CD2AP: variants seen among roughly 807,000 people sequenced by gnomAD.
CD2AP encodes the protein CD2-associated protein.
In CD2AP, 46 loss-of-function variants were observed where a neutral mutation model predicts 85.1. The observed-to-expected ratio is 0.54, with a 90% CI of 0.43 to 0.69. The LOEUF (loss-of-function observed/expected upper bound fraction) is 0.69. Ranked by LOEUF, CD2AP falls within the 30% of genes least tolerant of loss-of-function variation. The pLI, the probability that CD2AP is intolerant of heterozygous loss-of-function variation, is 0.00. For missense variants in CD2AP, 769 were observed against 729.5 expected (o/e 1.05, Z -0.62); for synonymous variants, 255 against 252.9 (o/e 1.01, Z -0.08).
chr6:47,581,974 T>G (rs1479963401), intron 10 of CD2AP, 29 bp from the exon 11 acceptor site: 9 of 1,474,052 alleles, frequency 6.1e-6, no homozygotes, highest in Admixed American at 3.3e-5. Flanking sequence ...ACTGTCTTCT[T>G]AAAAAAGTAT....
rs953730292 is a variant in CD2AP at position 47,491,311 on chromosome 6, T to C, written c.5-11969T>C. On this transcript the variant is annotated intron_variant, in intron 1 of 17. Transcript: ENST00000359314. ...TGTGTGTGTGTGTGTGTGTAATATA[T>C]ATAAAATCAGGAAATAAGTGGAACC... Among the ~76,000 whole-genome samples the C allele has an allele frequency of 2.6e-5, 4 of 151,202 alleles. 1 individual carries two copies. The East Asian group carries it at 7.7e-4, about 29-fold the overall frequency.
rs781287524 is a variant in CD2AP, at chr6:47,595,848, T to C, written c.1109-13T>C. The C allele has an allele frequency of 1.3e-5, 21 of 1,606,818 alleles. No individual in the cohort carries two copies. The South Asian group carries it at 2.3e-4, about 18-fold the overall frequency. ...TTGATTGTTAATAACTTGTGAAATA[T>C]TTTAAATCTTAGATGAAAAATCAAC... On this transcript the variant is annotated splice_polypyrimidine_tract_variant and intron_variant, in intron 11 of 17. Coordinates refer to ENST00000359314, the MANE Select transcript of CD2AP (RefSeq NM_012120.3).
intron 8 of CD2AP, 37 bp from the exon 9 acceptor site, chr6:47,579,348 A>AAAT: frequency 4.9e-4 from 571 of 1,166,654 alleles, no homozygotes; most frequent in Non-Finnish European, 6.6e-4. Context: ...AAAAAAAAAA[A>AAAT]GGTCTATTGT....
chr6:47,610,971 A>ATATATATTTT, intron 16 of CD2AP, among the ~76,000 whole-genome samples: 6 of 112,870 alleles, frequency 5.3e-5, no homozygotes, highest in African/African-American at 1.4e-4. Context: ...ATATATATGT[A>ATATATATTTT]TTTTTTTTTT....
At chr6:47,572,376 G>A (rs1166074138) in intron 5 of CD2AP, among the ~76,000 whole-genome samples, 1 of 152,108 alleles carries the variant, frequency 6.6e-6, no homozygotes, top group East Asian at 1.9e-4. Flanking sequence ...TATTTAAAAC[G>A]GGTTCATTTT....
intron 2 of CD2AP, among the ~76,000 whole-genome samples, chr6:47,504,735 T>C (rs1468194054): frequency 1.3e-5 from 2 of 152,172 alleles, no homozygotes; most frequent in African/African-American, 4.8e-5. Context: ...GCAAATGTCA[T>C]AGTAGAGCAG....
rs114385756 is a variant in CD2AP at position 47,504,069 on chromosome 6, C to G, written c.165+629C>G. Among the ~76,000 whole-genome samples, 5 of 152,288 alleles carry G rather than the reference C, an allele frequency of 3.3e-5. No individual in the cohort carries two copies. The East Asian group carries it at 9.6e-4, about 29-fold the overall frequency. On this transcript the variant is annotated intron_variant, in intron 2 of 17. Coordinates refer to ENST00000359314, the MANE Select transcript of CD2AP (RefSeq NM_012120.3). ...TTCCTTTTTTAGTAAGTATTCTAGT[C>G]GCTTCTGCCAGAAAACAATCTTTAG... is the stretch of plus-strand genomic sequence containing the variant.
chr6:47,619,210 C>T (rs6458580), intron 17 of CD2AP, among the ~76,000 whole-genome samples: 149,531 of 152,302 alleles, frequency 0.98, 73,479 homozygotes, highest in Middle Eastern at 1. Flanking sequence ...CGTAGTCTTT[C>T]ATCCCTCGCC....
chr6:47,585,298 G>T (rs201976901), intron 11 of CD2AP, among the ~76,000 whole-genome samples: 1 of 149,232 alleles, frequency 6.7e-6, no homozygotes, highest in Non-Finnish European at 1.5e-5. Context: ...GCAAGACTCC[G>T]TCTCAAAAAA....
chr6:47,594,732 AATG>A (rs1768893777), intron 11 of CD2AP, among the ~76,000 whole-genome samples: 1 of 152,012 alleles, frequency 6.6e-6, no homozygotes, highest in African/African-American at 2.4e-5. Flanking sequence ...TTTTGTACCA[AATG>A]ATGACCAGAA....
At chr6:47,526,666 G>T (rs1766738364) in intron 2 of CD2AP, among the ~76,000 whole-genome samples, 1 of 152,148 alleles carries the variant, frequency 6.6e-6, no homozygotes, top group Non-Finnish European at 1.5e-5. Context: ...TATACAGTTT[G>T]TCTGTCTCCT....
intron 1 of CD2AP, among the ~76,000 whole-genome samples, chr6:47,485,624 A>G (rs1765550283): frequency 6.6e-6 from 1 of 152,184 alleles, no homozygotes; most frequent in African/African-American, 2.4e-5. Context: ...TATAAAATCT[A>G]TAGTAGTGTA....
chr6:47,559,239 GTCTC>G (rs1767780435), intron 5 of CD2AP, among the ~76,000 whole-genome samples: 1 of 150,686 alleles, frequency 6.6e-6, no homozygotes, highest in African/African-American at 2.4e-5. Context: ...CTGGCTAACG[GTCTC>G]TCTGTTTCGT....
chr6:47,507,127 C>G (rs905230817), intron 2 of CD2AP, among the ~76,000 whole-genome samples: 1 of 152,314 alleles, frequency 6.6e-6, no homozygotes, highest in East Asian at 1.9e-4. Context: ...CTTTGCTCCT[C>G]CATAGGAAGC....
chr6:47,560,815 AT>A (rs1199747443), intron 5 of CD2AP, among the ~76,000 whole-genome samples: 1 of 152,192 alleles, frequency 6.6e-6, no homozygotes, highest in East Asian at 1.9e-4. Flanking sequence ...TAAATATGCT[AT>A]TCCTCATCAG....
chr6:47,496,308 C>A (rs979691666), intron 1 of CD2AP, among the ~76,000 whole-genome samples: 1 of 152,130 alleles, frequency 6.6e-6, no homozygotes, highest in East Asian at 1.9e-4. Flanking sequence ...TGGCTCCCAT[C>A]GTTGTTGCTA....
chr6:47,478,516 G>T (rs1255551825), intron 1 of CD2AP, among the ~76,000 whole-genome samples: 1 of 152,098 alleles, frequency 6.6e-6, no homozygotes, highest in East Asian at 1.9e-4. Flanking sequence ...GGGATGGGGG[G>T]CGGGGGCGCC....
chr6:47,599,105 C>G (rs531343182), intron 12 of CD2AP, among the ~76,000 whole-genome samples, 196 bp from the exon 13 acceptor site: 1 of 139,450 alleles, frequency 7.2e-6, no homozygotes, highest in South Asian at 2.2e-4. Flanking sequence ...ATTTTCTACA[C>G]TTAACTAAAC....
At chr6:47,596,694 T>G (rs1217994315) in intron 12 of CD2AP, among the ~76,000 whole-genome samples, 1 of 152,150 alleles carries the variant, frequency 6.6e-6, no homozygotes, top group Non-Finnish European at 1.5e-5. Flanking sequence ...ATATTTTGGC[T>G]GTTGTGAATA....
Sources: allele counts gnomAD v4.1 joint callset (sites outside exome capture counted in the v4.1 genomes callset), GRCh38; gene constraint gnomAD v4.1.1; transcripts MANE v1.5; gene names NCBI Gene and HGNC (gene_info 2026-07-23, HGNC 2026-07-21).